The following CELF2 variants were observed in gnomAD, a reference collection of about 807,000 sequenced individuals.
CELF2 encodes the protein CUGBP Elav-like family member 2.
In CELF2, 8 loss-of-function variants were observed where a neutral mutation model predicts 62.6. The ratio of observed to expected loss-of-function variants is 0.13; its 90% CI spans 0.07 to 0.23. The LOEUF is 0.23. Among genes scored for constraint, CELF2 ranks in the 10% least tolerant of loss-of-function variants. The pLI is 1.00. For missense variants in CELF2, 333 were observed against 671.0 expected, an observed-to-expected ratio of 0.50 and a Z score of 5.56; for synonymous variants, 258 against 250.0, an observed-to-expected ratio of 1.03 and a Z score of -0.30.
chr10:11,208,994 C>T (rs1021650348), intron 2 of CELF2, among the ~76,000 whole-genome samples: 1 of 152,118 alleles, frequency 6.6e-6, no homozygotes, highest in Non-Finnish European at 1.5e-5. Context: ...TTATAGTGTT[C>T]AGTTTAAAGG....
In CELF2 at chr10:10,995,729, C is replaced by G. The variant is rs2053882171; in HGVS notation, c.89+75730C>G. 6.6e-6 allele frequency among the ~76,000 whole-genome samples: 1 copy of G among 152,106 alleles called. No individual in the cohort carries two copies. The highest frequency in any genetic ancestry group is 1.5e-5 in the Non-Finnish European group (1 of 68,004). ...CTGAAATGTGTAGCATGGATCAGAG[C>G]CAGAGAGACTAGGGACAGGGAGATT... On this transcript the variant is annotated intron_variant, in intron 2 of 13. Coordinates refer to the CELF2 transcript ENST00000636488. This position sits in a 1 kb window ranked among gnomAD's most constrained non-coding sequence, Gnocchi z 4.7.
chr10:11,001,496 G>A (rs72772083), upstream of CELF2, among the ~76,000 whole-genome samples: 332 of 152,312 alleles, frequency 2.2e-3, 2 homozygotes, highest in Non-Finnish European at 3.5e-3. Flanking sequence ...GTTGTATTTG[G>A]AAATTTAGCT....
At chr10:11,197,292 A>G (rs2058214172) in intron 2 of CELF2, among the ~76,000 whole-genome samples, 1 of 152,098 alleles carries the variant, frequency 6.6e-6, no homozygotes, top group Non-Finnish European at 1.5e-5. Flanking sequence ...GATACCAGGG[A>G]ACTGGTGAAT....
intron 1 of CELF2, among the ~76,000 whole-genome samples, chr10:10,803,842 A>T (rs2054925721): frequency 6.6e-6 from 1 of 152,194 alleles, no homozygotes; most frequent in Non-Finnish European, 1.5e-5. Context: ...TGAATGAGTG[A>T]AGGAGTCACT....
the CELF2 span, among the ~76,000 whole-genome samples, chr10:10,492,973 C>G: frequency 6.6e-6 from 1 of 152,150 alleles, no homozygotes; most frequent in Admixed American, 6.5e-5. Context: ...CACCTCCTGC[C>G]GTGATTGTGA....
chr10:10,811,586 A>G (rs1403397062), intron 1 of CELF2, among the ~76,000 whole-genome samples: 2 of 152,114 alleles, frequency 1.3e-5, no homozygotes, highest in African/African-American at 2.4e-5. Flanking sequence ...GCACATCTCA[A>G]AGGGATGGAG....
intron 3 of CELF2, among the ~76,000 whole-genome samples, chr10:11,245,762 A>G (rs1006525625): frequency 6.6e-6 from 1 of 152,202 alleles, no homozygotes; most frequent in Non-Finnish European, 1.5e-5. Context: ...AGGGAAGATT[A>G]CTTTCCCCTA....
At chr10:10,469,928 G>A in the CELF2 span, among the ~76,000 whole-genome samples, 1 of 151,904 alleles carries the variant, frequency 6.6e-6, no homozygotes, top group East Asian at 1.9e-4. Flanking sequence ...CCAAGTACAG[G>A]TTGAGCATCC....
At chr10:11,215,136 G>A (rs1324847591) in intron 2 of CELF2, among the ~76,000 whole-genome samples, 1 of 152,146 alleles carries the variant, frequency 6.6e-6, no homozygotes, top group African/African-American at 2.4e-5. Flanking sequence ...TTCCTCAAGG[G>A]TCATGTTTTA....
Position 10,873,698 on chromosome 10 carries a change from A to G in CELF2, c.54-46266A>G, listed in dbSNP as rs186948367. ...TCATCCTATATTAATTAAATTAGCA[A>G]TAAATCGAAGATCTGTTCATCTCTC... On this transcript the variant is annotated intron_variant, in intron 1 of 13. Coordinates refer to the CELF2 transcript ENST00000636488. 1.4e-3 allele frequency among the ~76,000 whole-genome samples: 210 copies of G among 152,354 alleles called. 1 individual carries two copies. The highest frequency in any genetic ancestry group is 5.4e-3 in the East Asian group (28 of 5,186).
chr10:10,701,171 T>C, the CELF2 span, among the ~76,000 whole-genome samples: 1 of 152,238 alleles, frequency 6.6e-6, no homozygotes, highest in Non-Finnish European at 1.5e-5. Flanking sequence ...GGCAGGAGGC[T>C]GCAGGGAGCT....
intron 1 of CELF2, among the ~76,000 whole-genome samples, chr10:11,109,863 T>A (rs991560881): frequency 2.0e-5 from 3 of 152,170 alleles, no homozygotes; most frequent in Non-Finnish European, 2.9e-5. Context: ...AAAAGGAAAT[T>A]TATTGGCAGC....
At chr10:11,003,743 A>C (rs187151338), upstream of CELF2, among the ~76,000 whole-genome samples, 35 of 152,328 alleles carry the variant, frequency 2.3e-4, 1 homozygote, top group Admixed American at 2.2e-3. The surrounding 1 kb of genome is among the most constrained non-coding windows in gnomAD (Gnocchi z 4.4). Flanking sequence ...TCTTACTTCA[A>C]AAGAACATCT....
At chr10:10,679,914 T>C in the CELF2 span, among the ~76,000 whole-genome samples, 72 of 152,370 alleles carry the variant, frequency 4.7e-4, no homozygotes, top group Admixed American at 2.3e-3. Context: ...CTTGTGTGAA[T>C]GTGTGTGAAT....
chr10:10,874,514 A>G (rs1275131157), intron 1 of CELF2, among the ~76,000 whole-genome samples: 1 of 152,082 alleles, frequency 6.6e-6, no homozygotes, highest in East Asian at 1.9e-4. Context: ...TTAAAAATTT[A>G]TAAATAGATC....
chr10:10,503,361 T>G, the CELF2 span, among the ~76,000 whole-genome samples: 1 of 151,978 alleles, frequency 6.6e-6, no homozygotes, highest in African/African-American at 2.4e-5. Flanking sequence ...ATTTTTCTAC[T>G]ATTTTTCAGT....
At chr10:10,963,385 ATCT>A (rs1456862160) in intron 2 of CELF2, among the ~76,000 whole-genome samples, 3 of 152,072 alleles carry the variant, frequency 2.0e-5, no homozygotes, top group African/African-American at 4.8e-5. Context: ...CCTGAAAAAA[ATCT>A]TCTCTTATAT....
chr10:11,163,131 A>G (rs763550323), intron 1 of CELF2, among the ~76,000 whole-genome samples: 11 of 152,234 alleles, frequency 7.2e-5, no homozygotes, highest in Admixed American at 3.3e-4. Context: ...GAAAAAGAGT[A>G]AATGGCCTCT....
At chr10:11,151,292 A>G (rs1347041268) in intron 1 of CELF2, among the ~76,000 whole-genome samples, 1 of 152,082 alleles carries the variant, frequency 6.6e-6, no homozygotes, top group East Asian at 1.9e-4. Context: ...AAAGAACCAT[A>G]TTGCTAGTAT....
Sources: gnomAD v4.1 joint callset for allele counts (sites outside exome capture counted in the v4.1 genomes callset) on GRCh38, gnomAD v4.1.1 for gene constraint, Gnocchi (gnomAD v3.1) non-coding constraint, MANE v1.5 for transcripts, NCBI Gene and HGNC (gene_info 2026-07-23, HGNC 2026-07-21) for gene names.